Variants in CARF observed in about 807,000 individuals in gnomAD.
CARF encodes calcium responsive transcription factor.
A neutral mutation model predicts 82.0 loss-of-function variants in CARF; 57 were observed. The observed-to-expected ratio is 0.70, with a 90% CI of 0.56 to 0.87. The LOEUF (loss-of-function observed/expected upper bound fraction) is 0.87. Ranked by LOEUF, CARF falls within the 40% of genes least tolerant of loss-of-function variation. The probability of loss-of-function intolerance (pLI) is 0.00; values close to 1 mark genes in which losing one functional copy is unlikely to be tolerated. For synonymous variants in CARF, 268 were observed against 290.1 expected, an observed-to-expected ratio of 0.92 and a Z score of 0.77; for missense variants, 771 against 855.8, an observed-to-expected ratio of 0.90 and a Z score of 1.24.
Position 202,985,271 on chromosome 2 carries a change from G to C in CARF, c.*1647G>C, listed in dbSNP as rs2060396855. On this transcript the variant is annotated 3_prime_UTR_variant, in exon 17 of 17. Coordinates refer to ENST00000438828, the MANE Select transcript of CARF (RefSeq NM_024744.17). ...TTTACATGAATATGAGTCACTTTTG[G>C]CTTTTCTAAGTCCAGCCTCCCATTC... 6.6e-6 allele frequency: 1 copy of C among 151,828 alleles called. No homozygotes were observed. Among genetic ancestry groups the C allele is most frequent in the Non-Finnish European group, 1.5e-5 (1 of 67,966 alleles). The allele number at this position is 151,828 out of a possible 1,614,324, so 9.4% of individuals were successfully genotyped here. A position where few individuals can be genotyped will look rare whatever the true frequency, so the allele number is the denominator to read the frequency against.
chr2:202,918,337 G>C (rs1418157041), intron 2 of CARF, among the ~76,000 whole-genome samples: 1 of 152,200 alleles, frequency 6.6e-6, no homozygotes, highest in East Asian at 1.9e-4. Context: ...TGGCTAACAC[G>C]GTGAAACCCC....
rs562273612 is a variant in CARF at position 202,967,352 on chromosome 2, T to G, written c.953+254T>G. On this transcript the variant is annotated intron_variant, in intron 10 of 16. Coordinates refer to ENST00000438828, the MANE Select transcript of CARF (RefSeq NM_024744.17). ...ATCTCCTTCTTTACCCCTATAAATGTTGTTGAAAATCTCAGTAAAGCTCAC... is the reference window on the plus strand; with the variant it reads ...ATCTCCTTCTTTACCCCTATAAATGGTGTTGAAAATCTCAGTAAAGCTCAC... Among the ~76,000 whole-genome samples, 6 of 152,310 alleles carry G rather than the reference T, an allele frequency of 3.9e-5. No individual in the cohort carries two copies. The South Asian group carries it at 1.2e-3, about 32-fold the overall frequency.
intron 9 of CARF, among the ~76,000 whole-genome samples, chr2:202,965,491 CT>C (rs1310045870): frequency 6.6e-6 from 1 of 151,720 alleles, no homozygotes; most frequent in Admixed American, 6.6e-5. Context: ...CATTTACTAC[CT>C]TTTTTTTCTT....
At chr2:202,919,928 A>G (rs988620481) in intron 2 of CARF, among the ~76,000 whole-genome samples, 2 of 152,182 alleles carry the variant, frequency 1.3e-5, no homozygotes, top group African/African-American at 4.8e-5. Flanking sequence ...TAAATGATAT[A>G]GGTAAAACAC....
rs1012716444 is a variant in CARF at position 202,952,680 on chromosome 2, G to T, written c.427+1G>T. The T allele has an allele frequency of 6.2e-7, 1 of 1,610,688 alleles. No homozygotes were observed. The highest frequency in any genetic ancestry group is 1.3e-5 in the African/African-American group (1 of 74,822). On this transcript the variant is annotated splice_donor_variant, in intron 6 of 16. Transcript: ENST00000438828. LOFTEE classifies it high-confidence loss of function. ...CTTGTGGATGTGAATAGTCCTCGGG[G>T]TGAGTAACAACGGGATATAGGGGAT...
chr2:202,915,088 C>T (rs1431097552), intron 1 of CARF, among the ~76,000 whole-genome samples: 3 of 152,024 alleles, frequency 2.0e-5, no homozygotes, highest in Non-Finnish European at 4.4e-5. Flanking sequence ...GCTATCTTAG[C>T]TCACTGCAAC....
intron 4 of CARF, chr2:202,942,411 A>T (rs1041643767): frequency 1.8e-5 from 3 of 166,152 alleles, no homozygotes; most frequent in African/African-American, 7.2e-5. Flanking sequence ...AATTATACAC[A>T]TATTTTATGA....
intron 8 of CARF, 68 bp from the exon 9 acceptor site, chr2:202,961,169 A>G: frequency 7.7e-7 from 1 of 1,307,188 alleles, no homozygotes; most frequent in African/African-American, 1.5e-5. Context: ...TTGGACAACC[A>G]TCTCATTACA....
Position 202,982,100 on chromosome 2 carries a change from C to T in CARF, c.1718C>T (p.Ser573Phe), listed in dbSNP as rs2060286192. ...QGLQLQPRYT[S>F]PDESPAVVSV... ...TTGCAGTTACAACCAAGGTACACCT[C>T]TCCTGATGAATCACCAGCTGTGGTA... is the stretch of plus-strand genomic sequence containing the variant. The change falls in exon 16 of 17, where the codon TCT becomes TTT. Residue 573 changes from serine (S) to phenylalanine (F), a missense_variant. Coordinates refer to ENST00000438828, the MANE Select transcript of CARF (RefSeq NM_024744.17). The T allele has an allele frequency of 1.4e-5, 22 of 1,613,986 alleles. No individual in the cohort carries two copies. The highest frequency in any genetic ancestry group is 1.9e-5 in the Non-Finnish European group (22 of 1,179,986).
rs893459719 is a variant in CARF at position 202,918,047 on chromosome 2, A to AT, written c.-163+12dup. The AT allele has an allele frequency of 5.1e-5, 23 of 448,794 alleles. No individual in the cohort carries two copies. The highest frequency in any genetic ancestry group is 3.5e-4 in the East Asian group (5 of 14,170). 27.8% of individuals were successfully genotyped at this position (448,794 alleles called of 1,614,324 possible). A position where few individuals can be genotyped will look rare whatever the true frequency, so the allele number is the denominator to read the frequency against. On this transcript the variant is annotated splice_donor_region_variant and intron_variant, in intron 2 of 16. Transcript: ENST00000438828. ...AAACCTGAGCCACTATCTGAAGGTA[A>AT]TTTTTTTTAACTAATTGAAAGTAAC...
At chr2:202,975,301 G>A (rs753480514) in intron 13 of CARF, among the ~76,000 whole-genome samples, 35 of 152,252 alleles carry the variant, frequency 2.3e-4, no homozygotes, top group Non-Finnish European at 4.4e-4. Flanking sequence ...AAAATTAGCC[G>A]GGCATGGTGG....
intron 1 of CARF, among the ~76,000 whole-genome samples, chr2:202,917,210 CAAAAAAAAA>C (rs71034203): frequency 2.1e-5 from 1 of 47,004 alleles, no homozygotes; most frequent in Non-Finnish European, 3.4e-5. Context: ...GACTCCGTCT[CAAAAAAAAA>C]AAAAAAAAAA....
chr2:202,977,783 C>T (rs2060093162), intron 14 of CARF, among the ~76,000 whole-genome samples: 1 of 152,136 alleles, frequency 6.6e-6, no homozygotes, highest in East Asian at 1.9e-4. Flanking sequence ...CCTCTTAGTA[C>T]TCAAATTGTA....
At chr2:202,936,532 C>T (rs1369294603) in intron 3 of CARF, among the ~76,000 whole-genome samples, 1 of 152,104 alleles carries the variant, frequency 6.6e-6, no homozygotes, top group African/African-American at 2.4e-5. Flanking sequence ...TAATATGTGA[C>T]CTTTTGTGTG....
chr2:202,922,361 C>G (rs766111901), intron 2 of CARF, among the ~76,000 whole-genome samples: 13 of 152,138 alleles, frequency 8.5e-5, no homozygotes, highest in Non-Finnish European at 1.8e-4. Flanking sequence ...AAGTGACCTG[C>G]CTGCCCCAGC....
At chr2:202,941,496 A>G (rs1358610119) in intron 3 of CARF, among the ~76,000 whole-genome samples, 1 of 152,310 alleles carries the variant, frequency 6.6e-6, no homozygotes, top group Non-Finnish European at 1.5e-5. Flanking sequence ...GGGCATACCC[A>G]ACTCATAAAG....
At chr2:202,965,500 C>A (rs977421994) in intron 9 of CARF, among the ~76,000 whole-genome samples, 1 of 150,974 alleles carries the variant, frequency 6.6e-6, no homozygotes, top group African/African-American at 2.4e-5. Context: ...CCTTTTTTTT[C>A]TTTCTGACTT....
intron 3 of CARF, among the ~76,000 whole-genome samples, chr2:202,928,660 A>G (rs550240322): frequency 3.9e-5 from 6 of 152,236 alleles, no homozygotes; most frequent in South Asian, 4.2e-4. Flanking sequence ...TAGCCATTCT[A>G]ACCGAGGTGA....
chr2:202,941,022 C>T (rs1304169344), intron 3 of CARF, among the ~76,000 whole-genome samples: 1 of 151,806 alleles, frequency 6.6e-6, no homozygotes, highest in African/African-American at 2.4e-5. Context: ...TTTGAAACTC[C>T]TTCTAAATAA....
Sources: gnomAD v4.1 joint callset for allele counts (sites outside exome capture counted in the v4.1 genomes callset) on GRCh38, gnomAD v4.1.1 for gene constraint, MANE v1.5 for transcripts, NCBI Gene and HGNC (gene_info 2026-07-23, HGNC 2026-07-21) for gene names.